Variants in MGAT4A observed in about 807,000 individuals in gnomAD.
The protein encoded by MGAT4A is alpha-1,3-mannosyl-glycoprotein 4-beta-N-acetylglucosaminyltransferase A.
MGAT4A carries 33 observed loss-of-function variants against 74.1 expected under a neutral mutation model. The observed-to-expected ratio is 0.45, with a 90% confidence interval of 0.34 to 0.60. MGAT4A has a LOEUF of 0.60. Ranked by LOEUF, MGAT4A falls within the 20% of genes least tolerant of loss-of-function variation. The pLI, the probability that MGAT4A is intolerant of heterozygous loss-of-function variation, is 0.02. For missense variants in MGAT4A, 479 were observed against 628.3 expected (o/e 0.76, Z 2.54); for synonymous variants, 198 against 210.4 (o/e 0.94, Z 0.51).
intron 2 of MGAT4A, among the ~76,000 whole-genome samples, chr2:98,708,359 G>A (rs755987191): frequency 7.9e-5 from 12 of 152,030 alleles, no homozygotes; most frequent in Non-Finnish European, 1.5e-4. Flanking sequence ...AGATATACTC[G>A]CTGATAATGT....
chr2:98,695,205 T>C (rs1435431670), intron 2 of MGAT4A: 1 of 152,180 alleles, frequency 6.6e-6, no homozygotes, highest in East Asian at 1.9e-4. Context: ...CAGGCTAATT[T>C]TTTGTATTTT....
intron 2 of MGAT4A, among the ~76,000 whole-genome samples, chr2:98,685,953 T>A (rs1702123319): frequency 1.3e-5 from 2 of 152,138 alleles, no homozygotes; most frequent in African/African-American, 4.8e-5. Flanking sequence ...GTAGTTCTAG[T>A]CTACCAGTTC....
intron 4 of MGAT4A, among the ~76,000 whole-genome samples, chr2:98,666,775 A>G (rs1352679533): frequency 2.0e-5 from 3 of 152,352 alleles, no homozygotes; most frequent in African/African-American, 7.2e-5. Flanking sequence ...CAAAGACTTC[A>G]CTATGATGAA....
At chr2:98,720,623 AGTGTGT>A (rs57302536) in intron 2 of MGAT4A, among the ~76,000 whole-genome samples, 68 of 150,862 alleles carry the variant, frequency 4.5e-4, no homozygotes, top group African/African-American at 7.0e-4. Context: ...CATGTGTTTG[AGTGTGT>A]GTGTGTGTGT....
intron 2 of MGAT4A, among the ~76,000 whole-genome samples, chr2:98,713,974 C>T (rs1702555096): frequency 1.3e-5 from 2 of 152,156 alleles, no homozygotes; most frequent in African/African-American, 4.8e-5. Flanking sequence ...GAACTGTGCA[C>T]AAATATTGAA....
chr2:98,717,038 G>C (rs561319857), intron 2 of MGAT4A, among the ~76,000 whole-genome samples: 4 of 152,032 alleles, frequency 2.6e-5, no homozygotes, highest in African/African-American at 4.8e-5. Flanking sequence ...TAAATCATCA[G>C]GCAAATTCAA....
intron 5 of MGAT4A, among the ~76,000 whole-genome samples, chr2:98,661,699 C>A (rs72825744): frequency 1.6e-3 from 251 of 152,190 alleles, no homozygotes; most frequent in Non-Finnish European, 2.8e-3. Context: ...GATGCTATAG[C>A]AATGGTTCTC....
chr2:98,656,396 C>T lies in MGAT4A; in HGVS notation c.654G>A (p.Leu218=). 6.2e-7 allele frequency: 1 copy of T among 1,612,484 alleles called. No homozygotes were observed. Residue 218 remains leucine, a synonymous_variant, in exon 7 of 16, where the codon TTG becomes TTA. Transcript: ENST00000393487. ...ISPPESYYPD[L]TNLKETFGDS... is the part of the protein sequence containing the mutation. Reference sequence around the variant, plus strand: ...CTCCAAATGTCTCCTTTAGGTTTGTCAAGTCAGGATAATAGCTTTCAGGGG... The same window carrying T: ...CTCCAAATGTCTCCTTTAGGTTTGTTAAGTCAGGATAATAGCTTTCAGGGG...
rs779281323 is a variant in MGAT4A, at chr2:98,639,893, T to G, written c.1237A>C (p.Met413Leu). 6.2e-6 allele frequency: 10 copies of G among 1,614,068 alleles called. No homozygotes were observed. Among genetic ancestry groups the G allele is most frequent in the Non-Finnish European group, 7.6e-6 (9 of 1,180,020 alleles). Reference protein sequence around the residue: ...YQGHTLEKTYMGEDFFWAITP... With the variant: ...YQGHTLEKTYLGEDFFWAITP... ...ATAGCCCAGAAGAAATCCTCTCCCA[T>G]GTAAGTTTTCTCCAGCGTATGCCCT... Residue 413 changes from methionine (M) to leucine (L), a missense_variant, in exon 12 of 16, where the codon ATG becomes CTG. By Grantham distance (15) the Met-to-Leu change is conservative. This residue lies in a region of MGAT4A where 236 missense variants were observed against 308.2 expected (regional missense o/e 0.77). Coordinates refer to ENST00000393487, the MANE Select transcript of MGAT4A (RefSeq NM_012214.3).
At chr2:98,636,732 A>G (rs769948858) in intron 12 of MGAT4A, 137 bp from the exon 13 acceptor site, 21 of 680,208 alleles carry the variant, frequency 3.1e-5, no homozygotes, top group Non-Finnish European at 5.3e-5. Flanking sequence ...AGAGCTTCTA[A>G]TAACTGCACA....
Position 98,663,057 on chromosome 2 carries a change from A to G in MGAT4A, c.526T>C (p.Phe176Leu), listed in dbSNP as rs1169043783. 1 of 1,534,962 alleles carries G rather than the reference A, an allele frequency of 6.5e-7. No individual in the cohort carries two copies. Among genetic ancestry groups the G allele is most frequent in the Admixed American group, 1.9e-5 (1 of 52,002 alleles). Residue 176 changes from phenylalanine (F) to leucine (L), a missense_variant, in exon 5 of 16, where the codon TTC becomes CTC. Coordinates refer to ENST00000393487, the MANE Select transcript of MGAT4A (RefSeq NM_012214.3). ...EEKLDCVIVV[F>L]IGETDIDYVH... ...AATTAAATAATTACCTCTCCTATGA[A>G]GACTACTATAACACAGTCCAACTTC...
rs754354356 is a variant in MGAT4A, at chr2:98,726,316, C to G, written c.17G>C (p.Gly6Ala). Residue 6 changes from glycine (G) to alanine (A), a missense_variant, in exon 2 of 16, where the codon GGA becomes GCA. Coordinates refer to ENST00000393487, the MANE Select transcript of MGAT4A (RefSeq NM_012214.3). ...AAATGCTAAAGCAGTGGCTACAGTTCCATTGCGGAGCCTCATCTCATTTCA... is the reference window on the plus strand; with the variant it reads ...AAATGCTAAAGCAGTGGCTACAGTTGCATTGCGGAGCCTCATCTCATTTCA... MRLRNGTVATALAFIT... is the reference protein window; with the variant it reads MRLRNATVATALAFIT... The G allele has an allele frequency of 5.0e-5, 80 of 1,613,752 alleles. No homozygotes were observed. The highest frequency in any genetic ancestry group is 6.8e-5 in the Non-Finnish European group (80 of 1,179,796).
intron 2 of MGAT4A, among the ~76,000 whole-genome samples, chr2:98,681,456 T>C (rs1702058659): frequency 6.6e-6 from 1 of 152,200 alleles, no homozygotes. Flanking sequence ...GTTATATATA[T>C]GAAACCATGT....
chr2:98,672,147 T>A (rs1452557388), intron 4 of MGAT4A, among the ~76,000 whole-genome samples: 1 of 152,058 alleles, frequency 6.6e-6, no homozygotes, highest in East Asian at 1.9e-4. Flanking sequence ...CACCAGTAAA[T>A]GATAGATTCT....
In MGAT4A at chr2:98,726,428, G is replaced by T; in HGVS notation, c.-96C>A. ...AAAGTCAACTGAATGCAGTACTCCT[G>T]GCTCTAGGCCAATAAAAATCAATAA... On this transcript the variant is annotated 5_prime_UTR_variant, in exon 2 of 16. Transcript: ENST00000393487. 1 of 933,208 alleles carries T rather than the reference G, an allele frequency of 1.1e-6. No homozygotes were observed. Among genetic ancestry groups the T allele is most frequent in the South Asian group, 1.6e-5 (1 of 63,524 alleles). 57.8% of individuals were successfully genotyped at this position (933,208 alleles called of 1,614,324 possible). A position where few individuals can be genotyped will look rare whatever the true frequency, so the allele number is the denominator to read the frequency against.
intron 2 of MGAT4A, among the ~76,000 whole-genome samples, chr2:98,680,975 T>TTTG (rs58067622): frequency 0.027 from 4,180 of 152,252 alleles, 208 homozygotes; most frequent in African/African-American, 0.095. Context: ...AGTATCCTTT[T>TTTG]TTGTTGTTGT....
At chr2:98,726,746 GA>G in intron 1 of MGAT4A, 179 bp from the exon 2 acceptor site, 1 of 167,988 alleles carries the variant, frequency 6.0e-6, no homozygotes, top group African/African-American at 2.4e-5. Context: ...TCTCCTCCTG[GA>G]AAAAAATACA....
chr2:98,711,613 C>A (rs534366712), intron 2 of MGAT4A, among the ~76,000 whole-genome samples: 5 of 147,734 alleles, frequency 3.4e-5, no homozygotes, highest in Admixed American at 3.4e-4. Context: ...GTTTGAAGTT[C>A]AAAAAAAAAA....
At chr2:98,634,470 G>GT (rs1701288309) in intron 14 of MGAT4A, among the ~76,000 whole-genome samples, 1 of 151,970 alleles carries the variant, frequency 6.6e-6, no homozygotes, top group South Asian at 2.1e-4. Flanking sequence ...AGATGTGAAG[G>GT]TGGGTGGGAG....
Sources: allele counts gnomAD v4.1 joint callset (sites outside exome capture counted in the v4.1 genomes callset), GRCh38; gene constraint gnomAD v4.1.1; regional missense constraint gnomAD v4.1.1; transcripts MANE v1.5; gene names NCBI Gene and HGNC (gene_info 2026-07-23, HGNC 2026-07-21).